Variants in GRID1 observed in about 807,000 individuals in gnomAD.
GRID1 encodes glutamate ionotropic receptor delta type subunit 1.
Under a neutral mutation model 98.0 loss-of-function variants are expected in GRID1, and 28 were observed. That is an observed-to-expected ratio of 0.29 (90% CI 0.21 to 0.39). GRID1 has a LOEUF of 0.39. Ranked by LOEUF, GRID1 falls within the 10% of genes least tolerant of loss-of-function variation. The probability of loss-of-function intolerance (pLI) is 1.00; values close to 1 mark genes in which losing one functional copy is unlikely to be tolerated. For missense variants in GRID1, 1,111 were observed against 1,340.5 expected (o/e 0.83, Z 2.67); for synonymous variants, 553 against 538.5 (o/e 1.03, Z -0.37).
chr10:86,067,733 C>G (rs1843740907), intron 4 of GRID1, among the ~76,000 whole-genome samples: 1 of 152,200 alleles, frequency 6.6e-6, no homozygotes, highest in Non-Finnish European at 1.5e-5. Context: ...TGGGGTGGCC[C>G]ACAGTCAGTG....
intron 2 of GRID1, among the ~76,000 whole-genome samples, chr10:86,286,737 T>C (rs1169442937): frequency 2.0e-5 from 3 of 152,180 alleles, no homozygotes; most frequent in Non-Finnish European, 4.4e-5. Flanking sequence ...ATCTGTAAAA[T>C]GGGACAACAA....
chr10:85,797,984 TA>T (rs1170522294), intron 8 of GRID1, among the ~76,000 whole-genome samples: 2 of 152,226 alleles, frequency 1.3e-5, no homozygotes, highest in African/African-American at 4.8e-5. Flanking sequence ...TTCCACAGTA[TA>T]TACATATACC....
chr10:85,662,893 T>C (rs2132572377), intron 12 of GRID1, among the ~76,000 whole-genome samples: 1 of 152,244 alleles, frequency 6.6e-6, no homozygotes, highest in East Asian at 1.9e-4. Context: ...TCGAAGGACT[T>C]GTCCCACTTA....
intron 2 of GRID1, among the ~76,000 whole-genome samples, chr10:86,263,137 G>A (rs1847044731): frequency 6.6e-6 from 1 of 152,250 alleles, no homozygotes; most frequent in Non-Finnish European, 1.5e-5. Context: ...CGCACATAAT[G>A]AGGCTTCTCA....
At chr10:86,322,046 A>T (rs1157222930) in intron 2 of GRID1, among the ~76,000 whole-genome samples, 1 of 152,200 alleles carries the variant, frequency 6.6e-6, no homozygotes. Context: ...ACGAGAAAAC[A>T]GAGAGAGGGG....
intron 2 of GRID1, among the ~76,000 whole-genome samples, chr10:86,339,792 C>T (rs1848284570): frequency 6.6e-6 from 1 of 152,212 alleles, no homozygotes; most frequent in Non-Finnish European, 1.5e-5. Flanking sequence ...TGATGGAACA[C>T]CTGCTGTATG....
At chr10:85,686,145 A>G (rs1841266517) in intron 12 of GRID1, among the ~76,000 whole-genome samples, 1 of 152,196 alleles carries the variant, frequency 6.6e-6, no homozygotes, top group Non-Finnish European at 1.5e-5. Context: ...GCACAAAAGT[A>G]TTATAGTGCA....
intron 2 of GRID1, among the ~76,000 whole-genome samples, chr10:86,344,028 C>T (rs975375711): frequency 3.3e-5 from 5 of 152,268 alleles, no homozygotes; most frequent in African/African-American, 9.6e-5. Context: ...TGGCCCTGGC[C>T]GCCCCTTGGC....
chr10:85,880,929 A>C (rs1840999016), intron 5 of GRID1, among the ~76,000 whole-genome samples: 1 of 152,234 alleles, frequency 6.6e-6, no homozygotes, highest in African/African-American at 2.4e-5. Context: ...GCAAAGTCTC[A>C]GGATACAAAA....
intron 12 of GRID1, among the ~76,000 whole-genome samples, chr10:85,697,622 G>A (rs141793200): frequency 5.8e-4 from 88 of 152,212 alleles, no homozygotes; most frequent in African/African-American, 2.1e-3. Context: ...AACATGTAGA[G>A]AAATTTACAC....
chr10:86,265,200 T>A (rs1177340807), intron 2 of GRID1, among the ~76,000 whole-genome samples: 1 of 150,816 alleles, frequency 6.6e-6, no homozygotes, highest in African/African-American at 2.4e-5. Flanking sequence ...CATGGTTCCA[T>A]TATAACAAAT....
intron 4 of GRID1, among the ~76,000 whole-genome samples, chr10:86,087,601 C>T (rs910206906): frequency 4.6e-5 from 7 of 151,936 alleles, no homozygotes; most frequent in Non-Finnish European, 8.8e-5. Flanking sequence ...TTTCTGTTTT[C>T]CTTCACTGGC....
intron 5 of GRID1, among the ~76,000 whole-genome samples, chr10:85,896,734 T>C (rs1042185423): frequency 1.3e-5 from 2 of 152,188 alleles, no homozygotes; most frequent in African/African-American, 4.8e-5. Context: ...ATTTATTATA[T>C]TCATGTCACA....
chr10:86,030,915 C>T (rs1401566589), intron 4 of GRID1, among the ~76,000 whole-genome samples: 1 of 152,164 alleles, frequency 6.6e-6, no homozygotes, highest in Non-Finnish European at 1.5e-5. Flanking sequence ...CATCTTCCTT[C>T]TCTTTGCCAG....
chr10:85,905,922 T>C (rs776967493), intron 5 of GRID1, among the ~76,000 whole-genome samples: 2 of 152,128 alleles, frequency 1.3e-5, no homozygotes, highest in African/African-American at 2.4e-5. Context: ...ACATTCAGTA[T>C]AAATTATCTA....
chr10:86,297,781 G>T (rs1030146340), intron 2 of GRID1, among the ~76,000 whole-genome samples: 1 of 152,228 alleles, frequency 6.6e-6, no homozygotes. Context: ...GCCAGCAGAT[G>T]AATGGGCTGG....
At chr10:86,193,486 A>G (rs1397374364) in intron 3 of GRID1, among the ~76,000 whole-genome samples, 6 of 152,014 alleles carry the variant, frequency 3.9e-5, no homozygotes, top group African/African-American at 1.2e-4. Flanking sequence ...GAGAACCTCT[A>G]TCTCATGATG....
chr10:85,648,760 A>G (rs1329828874), intron 12 of GRID1, among the ~76,000 whole-genome samples: 2 of 152,176 alleles, frequency 1.3e-5, no homozygotes, highest in Non-Finnish European at 2.9e-5. Flanking sequence ...CCAACAGCCA[A>G]CAGCTGCCTC....
intron 12 of GRID1, among the ~76,000 whole-genome samples, chr10:85,654,297 G>C (rs1442862235): frequency 6.6e-6 from 1 of 152,012 alleles, no homozygotes; most frequent in East Asian, 1.9e-4. Context: ...AAAACTCAAA[G>C]CATTTGTATA....
Sources: gnomAD v4.1 joint callset for allele counts (sites outside exome capture counted in the v4.1 genomes callset) on GRCh38, gnomAD v4.1.1 for gene constraint, MANE v1.5 for transcripts, NCBI Gene and HGNC (gene_info 2026-07-23, HGNC 2026-07-21) for gene names.